The following NPAT variants were observed in gnomAD, a reference collection of about 807,000 sequenced individuals.
NPAT encodes protein NPAT.
NPAT carries 52 observed loss-of-function variants against 130.7 expected under a neutral mutation model. That is an observed-to-expected ratio of 0.40 (90% CI 0.32 to 0.50). The LOEUF is 0.50. NPAT is among the 20% of genes least tolerant of loss of function. The pLI is 0.68. For synonymous variants in NPAT, 580 were observed against 584.8 expected (o/e 0.99, Z 0.12); for missense variants, 1,687 against 1,662.6 (o/e 1.01, Z -0.26).
rs2077814128 is a variant in NPAT at position 108,158,306 on chromosome 11, G to A, written c.*636C>T. ...CAAAATTCTCTCTTTAAAACAAAGA[G>A]AACAGAGTGATCAGAGTAGGTAAAG... On this transcript the variant is annotated 3_prime_UTR_variant, in exon 18 of 18. Transcript: ENST00000278612. 6.6e-6 allele frequency: 1 copy of A among 152,286 alleles called. No individual in the cohort carries two copies. 9.4% of individuals were successfully genotyped at this position (152,286 alleles called of 1,614,324 possible).
At chr11:108,215,791 A>G (rs1261129934) in intron 1 of NPAT, among the ~76,000 whole-genome samples, 1 of 152,236 alleles carries the variant, frequency 6.6e-6, no homozygotes, top group Non-Finnish European at 1.5e-5. Context: ...GCTAACTAAT[A>G]AGAAGAAACA....
chr11:108,186,886 G>A (rs1202100350), intron 7 of NPAT, among the ~76,000 whole-genome samples: 1 of 152,178 alleles, frequency 6.6e-6, no homozygotes, highest in African/African-American at 2.4e-5. Flanking sequence ...TGAAACCCAT[G>A]TTATTCAAGG....
At chr11:108,183,307 A>G (rs901296638) in intron 10 of NPAT, among the ~76,000 whole-genome samples, 6 of 151,932 alleles carry the variant, frequency 3.9e-5, no homozygotes, top group African/African-American at 1.5e-4. Flanking sequence ...AAGTGGTAAG[A>G]TAAGAGAGGT....
chr11:108,181,982 G>GCT (rs985906217), intron 10 of NPAT, among the ~76,000 whole-genome samples: 1 of 152,152 alleles, frequency 6.6e-6, no homozygotes, highest in African/African-American at 2.4e-5. Flanking sequence ...TGGGGCCTGT[G>GCT]CTGCCACCTG....
chr11:108,176,479 G>A (rs887883008), intron 11 of NPAT, 105 bp from the exon 12 acceptor site: 2 of 847,482 alleles, frequency 2.4e-6, no homozygotes, highest in African/African-American at 1.7e-5. Context: ...TTCGATTTAG[G>A]GTTTTATGGA....
At chr11:108,180,622 C>A (rs142002587) in intron 10 of NPAT, among the ~76,000 whole-genome samples, 22 of 152,202 alleles carry the variant, frequency 1.4e-4, no homozygotes, top group African/African-American at 5.3e-4. Context: ...AATGGTACAG[C>A]TGCTATGAGA....
At chr11:108,201,041 C>G (rs2078271305) in intron 1 of NPAT, among the ~76,000 whole-genome samples, 1 of 152,166 alleles carries the variant, frequency 6.6e-6, no homozygotes, top group Admixed American at 6.5e-5. Flanking sequence ...GAAAGTTTTA[C>G]AATATGTAGA....
chr11:108,168,097 TA>T (rs2077917139), intron 15 of NPAT, among the ~76,000 whole-genome samples: 1 of 152,072 alleles, frequency 6.6e-6, no homozygotes, highest in African/African-American at 2.4e-5. Flanking sequence ...GCAGGGAAAA[TA>T]ATGGTAGAAG....
intron 6 of NPAT, 61 bp from the exon 7 acceptor site, chr11:108,188,240 A>G (rs2078128185): frequency 8.2e-7 from 1 of 1,216,980 alleles, no homozygotes; most frequent in East Asian, 2.3e-5. Flanking sequence ...TAAACTTGTA[A>G]TGGGATAAAA....
chr11:108,169,904 C>T lies in NPAT; in HGVS notation c.2901+24G>A, dbSNP rs1388381904. 4 of 1,608,590 alleles carry T rather than the reference C, an allele frequency of 2.5e-6. No homozygotes were observed. The African/African-American group carries it at 5.4e-5, about 22-fold the overall frequency. On this transcript the variant is annotated intron_variant, in intron 14 of 17. Coordinates refer to ENST00000278612, the MANE Select transcript of NPAT (RefSeq NM_002519.3). ...ACTAAGCTTGAAAAGCATCACCACACCATTTTCAGTTCATAAATCTTACCT... is the reference window on the plus strand; with the variant it reads ...ACTAAGCTTGAAAAGCATCACCACATCATTTTCAGTTCATAAATCTTACCT...
At chr11:108,171,013 T>C in intron 13 of NPAT, 1 of 152,020 alleles carries the variant, frequency 6.6e-6, no homozygotes, top group East Asian at 1.9e-4. Context: ...CCATGAGCAC[T>C]ATCTCTGAGG....
chr11:108,189,827 G>A (rs1386668172), intron 5 of NPAT, among the ~76,000 whole-genome samples: 1 of 143,260 alleles, frequency 7.0e-6, no homozygotes, highest in Non-Finnish European at 1.5e-5. Context: ...CCGAGATCGC[G>A]CCACTGCACT....
chr11:108,172,758 A>G lies in NPAT; in HGVS notation c.2226T>C (p.Val742=). The G allele has an allele frequency of 6.2e-7, 1 of 1,613,634 alleles. No individual in the cohort carries two copies. Residue 742 remains valine (V), a synonymous_variant, in exon 13 of 18, where the codon GTT becomes GTC. Coordinates refer to ENST00000278612, the MANE Select transcript of NPAT (RefSeq NM_002519.3). ...AAACAAATGGATCATCACTAATGATAACTTTGAGAGAGACGATATTTGATG... is the reference window on the plus strand; with the variant it reads ...AAACAAATGGATCATCACTAATGATGACTTTGAGAGAGACGATATTTGATG... ...IDASNIVSLK[V]IISDDPFVSS...
At chr11:108,221,245 C>T (rs1287283949) in intron 1 of NPAT, among the ~76,000 whole-genome samples, 1 of 152,056 alleles carries the variant, frequency 6.6e-6, no homozygotes, top group African/African-American at 2.4e-5. Flanking sequence ...GCCAGGAATG[C>T]TGCTAAACAT....
chr11:108,191,154 T>A (rs1334122872), intron 4 of NPAT, among the ~76,000 whole-genome samples: 1 of 152,224 alleles, frequency 6.6e-6, no homozygotes. Flanking sequence ...ATACATTTTT[T>A]ATTATCTTTC....
chr11:108,196,012 C>A (rs1310788034), intron 2 of NPAT, among the ~76,000 whole-genome samples: 1 of 152,144 alleles, frequency 6.6e-6, no homozygotes, highest in Non-Finnish European at 1.5e-5. Flanking sequence ...GCCTTTATAG[C>A]CCATGCTTTT....
At chr11:108,203,431 A>G (rs2078293912) in intron 1 of NPAT, among the ~76,000 whole-genome samples, 1 of 152,128 alleles carries the variant, frequency 6.6e-6, no homozygotes, top group South Asian at 2.1e-4. Flanking sequence ...TTCTACTCCT[A>G]TGGCAGTAAA....
chr11:108,222,454 C>T (rs373553992), intron 1 of NPAT, 46 bp downstream of exon 1: 10 of 1,608,032 alleles, frequency 6.2e-6, no homozygotes, highest in Middle Eastern at 1.6e-4. Flanking sequence ...TCCTTCTGTC[C>T]AGCATAGCCG....
intron 15 of NPAT, among the ~76,000 whole-genome samples, chr11:108,169,410 C>G (rs1308267813): frequency 3.9e-5 from 6 of 152,172 alleles, no homozygotes; most frequent in Non-Finnish European, 7.4e-5. Context: ...ACAAGAAGAA[C>G]TGCTCTAAAG....
Sources: allele counts gnomAD v4.1 joint callset (sites outside exome capture counted in the v4.1 genomes callset), GRCh38; gene constraint gnomAD v4.1.1; transcripts MANE v1.5; gene names NCBI Gene and HGNC (gene_info 2026-07-23, HGNC 2026-07-21).